The following THAP12 variants were observed in gnomAD, a reference collection of about 807,000 sequenced individuals.
The protein encoded by THAP12 is THAP domain containing 12.
A neutral mutation model predicts 63.0 loss-of-function variants in THAP12; 20 were observed. The ratio of observed to expected loss-of-function variants is 0.32; its 90% CI spans 0.22 to 0.46. The LOEUF (loss-of-function observed/expected upper bound fraction) is 0.46, where lower values mean the gene tolerates loss of function less well. Among genes scored for constraint, THAP12 ranks in the 20% least tolerant of loss-of-function variants. The pLI is 1.00. For synonymous variants in THAP12, 264 were observed against 328.4 expected (o/e 0.80, Z 2.12); for missense variants, 568 against 908.2 (o/e 0.63, Z 4.81).
intron 1 of THAP12, among the ~76,000 whole-genome samples, chr11:76,370,830 G>GAAA (rs371784735): frequency 4.4e-5 from 6 of 135,542 alleles, no homozygotes; most frequent in African/African-American, 8.3e-5. Flanking sequence ...CAAAAAAAAA[G>GAAA]AAAAAAAAAA....
chr11:76,377,123 C>T (rs182602411), intron 1 of THAP12, among the ~76,000 whole-genome samples: 6 of 152,284 alleles, frequency 3.9e-5, no homozygotes, highest in Admixed American at 6.5e-5. Context: ...AACCTTAACC[C>T]GTACCACGGT....
Position 76,373,701 on chromosome 11 carries a change from GAC to G in THAP12, c.89+7045_89+7046del, listed in dbSNP as rs571081651. ...CCTGCCACTGCACTCCAGCCTGAGT[GAC>G]AGAGTAAGACCCCTCAAAAAAAAAA... On this transcript the variant is annotated intron_variant, in intron 1 of 4. Transcript: ENST00000260045. Among the ~76,000 whole-genome samples, 383 of 132,300 alleles carry G rather than the reference GAC, an allele frequency of 2.9e-3. 1 individual carries two copies. Among genetic ancestry groups the G allele is most frequent in the African/African-American group, 0.011 (372 of 34,942 alleles). 86.8% of individuals were successfully genotyped at this position (132,300 alleles called of 152,430 possible).
chr11:76,350,634 A>G lies in THAP12; in HGVS notation c.*230T>C. The G allele has an allele frequency of 2.5e-6, 1 of 395,804 alleles. No homozygotes were observed. Among genetic ancestry groups the G allele is most frequent in the East Asian group, 4.4e-5 (1 of 22,974 alleles). 24.5% of individuals were successfully genotyped at this position (395,804 alleles called of 1,614,324 possible). On this transcript the variant is annotated 3_prime_UTR_variant, in exon 5 of 5. Transcript: ENST00000260045. ...CAATTCCAGAGTGCCATCAACAGAG[A>G]TCACGCAAAAGGAAACATGGCACTT...
rs1235866425 is a variant in THAP12, at chr11:76,374,399, A to AAC, written c.89+6348_89+6349insGT. Reference sequence around the variant, plus strand: ...CAATTCATTATACAAAAAAAAAAAAAAACACATCAGTATCATCAGTGATCT... The same window carrying AAC: ...CAATTCATTATACAAAAAAAAAAAAAACAACACATCAGTATCATCAGTGATCT... On this transcript the variant is annotated intron_variant, in intron 1 of 4. Coordinates refer to ENST00000260045, the MANE Select transcript of THAP12 (RefSeq NM_004705.4). 3.9e-5 allele frequency among the ~76,000 whole-genome samples: 6 copies of AAC among 152,262 alleles called. No homozygotes were observed. In the East Asian group the frequency reaches 1.2e-3, roughly 29 times the overall value.
chr11:76,365,469 C>T (rs914308338), intron 2 of THAP12, among the ~76,000 whole-genome samples: 4 of 151,948 alleles, frequency 2.6e-5, no homozygotes, highest in South Asian at 2.1e-4. Context: ...TCTGCAGCCC[C>T]GACGTCATGG....
chr11:76,379,010 C>T (rs1946730641), intron 1 of THAP12, among the ~76,000 whole-genome samples: 1 of 152,146 alleles, frequency 6.6e-6, no homozygotes, highest in African/African-American at 2.4e-5. Flanking sequence ...TCAGCAAATG[C>T]TCACGTTAAA....
chr11:76,363,509 A>G (rs1946611545), intron 2 of THAP12, among the ~76,000 whole-genome samples: 1 of 152,114 alleles, frequency 6.6e-6, no homozygotes. Flanking sequence ...GTGCCTTGCT[A>G]CTGATGAGAT....
chr11:76,374,472 C>T (rs1260035633), intron 1 of THAP12, among the ~76,000 whole-genome samples: 1 of 151,754 alleles, frequency 6.6e-6, no homozygotes, highest in Non-Finnish European at 1.5e-5. Context: ...CTCACAGTGG[C>T]ACATAAATTT....
Position 76,350,617 on chromosome 11 carries a change from G to T in THAP12, c.*247C>A. The T allele has an allele frequency of 3.0e-6, 1 of 329,086 alleles. No homozygotes were observed. The highest frequency in any genetic ancestry group is 5.4e-6 in the Non-Finnish European group (1 of 185,384). The allele number at this position is 329,086 out of a possible 1,614,324, so 20.4% of individuals were successfully genotyped here. A position where few individuals can be genotyped will look rare whatever the true frequency, so the allele number is the denominator to read the frequency against. On this transcript the variant is annotated 3_prime_UTR_variant, in exon 5 of 5. Coordinates refer to ENST00000260045, the MANE Select transcript of THAP12 (RefSeq NM_004705.4). ...AAATGACTTAACTGAAACAATTCCA[G>T]AGTGCCATCAACAGAGATCACGCAA...
intron 2 of THAP12, among the ~76,000 whole-genome samples, chr11:76,363,423 G>A (rs1946611060): frequency 6.6e-6 from 1 of 151,882 alleles, no homozygotes; most frequent in African/African-American, 2.4e-5. Flanking sequence ...TGCCCAGGCT[G>A]GCTCTGAATT....
At chr11:76,375,190 C>G (rs1308699373) in intron 1 of THAP12, among the ~76,000 whole-genome samples, 9 of 152,268 alleles carry the variant, frequency 5.9e-5, no homozygotes, top group Admixed American at 1.3e-4. Context: ...ACCTTGGAAG[C>G]CCTCACCCAT....
chr11:76,351,596 C>A lies in THAP12; in HGVS notation c.1554G>T (p.Leu518=). The stretch of plus-strand genomic sequence containing the variant: ...TTTCCATCACTTCGTTGAGTGAATG[C>A]AGTACTGCAGTCAAGCTACCGGCCG... ...FFAAGSLTAV[L]HSLNEVMENI... Residue 518 remains leucine (L), a synonymous_variant, in exon 5 of 5, where the codon CTG becomes CTT. Coordinates refer to ENST00000260045, the MANE Select transcript of THAP12 (RefSeq NM_004705.4). 6.3e-7 allele frequency: 1 copy of A among 1,585,072 alleles called. No individual in the cohort carries two copies.
rs1180231598 is a variant in THAP12, at chr11:76,365,969, G to A, written c.93C>T (p.Cys31=). The change falls in exon 2 of 5, where the codon TGC becomes TGT. Residue 31 remains cysteine (C), a synonymous_variant. Transcript: ENST00000260045. ...TCCTACAGTTCTCCACCCACTTCTG[G>A]CATCTATAAATAAAACCAAAATACA... ...FFRFPRDPAR[C]QKWVENCRRA... is the part of the protein sequence containing the mutation. 6.2e-6 allele frequency: 10 copies of A among 1,610,540 alleles called. No homozygotes were observed. The highest frequency in any genetic ancestry group is 1.7e-5 in the Admixed American group (1 of 59,112).
At position 76,355,589 on chromosome 11, in the gene THAP12, G is replaced by A. The variant is rs200260510; in HGVS notation, c.355+29C>T. The A allele has an allele frequency of 1.1e-5, 18 of 1,577,524 alleles. No homozygotes were observed. The Admixed American group carries it at 1.5e-4, about 13-fold the overall frequency. On this transcript the variant is annotated intron_variant, in intron 4 of 4. Transcript: ENST00000260045. ...TCAAGGCCTTTTTAAAAGGCATTCA[G>A]AAGTTGAGTCATTAACACTATCACT... is the stretch of plus-strand genomic sequence containing the variant.
intron 1 of THAP12, among the ~76,000 whole-genome samples, chr11:76,368,414 G>A (rs1456717629): frequency 6.6e-6 from 1 of 152,176 alleles, no homozygotes; most frequent in African/African-American, 2.4e-5. Context: ...AGCCCAGTAA[G>A]TTTGTGAGAG....
chr11:76,379,042 C>T (rs1946731095), intron 1 of THAP12, among the ~76,000 whole-genome samples: 2 of 152,214 alleles, frequency 1.3e-5, no homozygotes, highest in South Asian at 4.1e-4. Context: ...CGGCTGGGCG[C>T]GGTGGCTCAG....
At position 76,361,243 on chromosome 11, in the gene THAP12, C is replaced by T. The variant is rs978185656; in HGVS notation, c.211-180G>A. The T allele has an allele frequency of 1.2e-5, 6 of 486,002 alleles. No homozygotes were observed. In the Admixed American group the frequency reaches 2.3e-4, roughly 19 times the overall value. The allele number at this position is 486,002 out of a possible 1,614,324, so 30.1% of individuals were successfully genotyped here. On this transcript the variant is annotated intron_variant, in intron 2 of 4. Transcript: ENST00000260045. ...TATTTCCAACTGTGCCTGCATTTGC[C>T]CTTCTGGCAATCTATTATAAATTAA...
At chr11:76,363,075 C>T (rs556195652) in intron 2 of THAP12, among the ~76,000 whole-genome samples, 2 of 152,048 alleles carry the variant, frequency 1.3e-5, no homozygotes, top group African/African-American at 4.8e-5. Context: ...CCTGGGAGGT[C>T]GGGGCTGCAG....
At chr11:76,357,168 A>T (rs1361354821) in intron 3 of THAP12, 1 of 152,254 alleles carries the variant, frequency 6.6e-6, no homozygotes, top group African/African-American at 2.4e-5. Context: ...ATTAGGTATT[A>T]TAAATGATTT....
Sources: allele counts gnomAD v4.1 joint callset (sites outside exome capture counted in the v4.1 genomes callset), GRCh38; gene constraint gnomAD v4.1.1; transcripts MANE v1.5; gene names NCBI Gene and HGNC (gene_info 2026-07-23, HGNC 2026-07-21).